Variants in EML6 observed in about 807,000 individuals in gnomAD.
The protein encoded by EML6 is echinoderm microtubule-associated protein-like 6.
In EML6, 154 loss-of-function variants were observed where a neutral mutation model predicts 240.1. That is an observed-to-expected ratio of 0.64 (90% CI 0.56 to 0.73). The LOEUF is 0.73. Ranked by LOEUF, EML6 falls within the 30% of genes least tolerant of loss-of-function variation. The pLI, the probability that EML6 is intolerant of heterozygous loss-of-function variation, is 0.00. For synonymous variants in EML6, 1,148 were observed against 899.0 expected (o/e 1.28, Z -4.95); for missense variants, 2,964 against 2,474.6 (o/e 1.20, Z -4.20).
chr2:54,916,866 C>G lies in EML6; in HGVS notation c.3606C>G (p.Thr1202=), dbSNP rs1673942643. The change falls in exon 26 of 42, where the codon ACC becomes ACG. Residue 1202 remains threonine (T), a synonymous_variant. Transcript: ENST00000356458. ...DITDVNAASL[T]KDCSLLATGD... ...CTGACGTAAATGCTGCCAGTCTTAC[C>G]AAAGACTGTTCCCTTTTAGCCACCG... The G allele has an allele frequency of 6.4e-7, 1 of 1,550,498 alleles. No homozygotes were observed. Among genetic ancestry groups the G allele is most frequent in the Non-Finnish European group, 8.7e-7 (1 of 1,146,062 alleles).
chr2:54,793,520 A>G lies in EML6; in HGVS notation c.198-19712A>G, dbSNP rs1013233053. Among the ~76,000 whole-genome samples, 35 of 151,848 alleles carry G rather than the reference A, an allele frequency of 2.3e-4. 1 individual carries two copies. The highest frequency in any genetic ancestry group is 8.0e-4 in the African/African-American group (33 of 41,384). ...AATTCAAGGAAGGCAAATGGTTACT[A>G]TGAACACTAAATCCTGTCGAACTTC... On this transcript the variant is annotated intron_variant, in intron 2 of 41. Coordinates refer to ENST00000356458, the MANE Select transcript of EML6 (RefSeq NM_001039753.4).
At chr2:54,903,547 AAAT>A in intron 24 of EML6, 45 bp downstream of exon 24, 1 of 1,518,896 alleles carries the variant, frequency 6.6e-7, no homozygotes, top group Non-Finnish European at 8.9e-7. Context: ...TGTGTTTAAA[AAAT>A]GTCCATTTAT....
intron 8 of EML6, among the ~76,000 whole-genome samples, chr2:54,846,920 A>T (rs544144545): frequency 1.1e-5 from 1 of 91,220 alleles, no homozygotes; most frequent in African/African-American, 3.3e-5. Context: ...TGTATGAAGT[A>T]GTATTTTTTT....
chr2:54,743,992 G>A (rs1002701605), intron 2 of EML6, among the ~76,000 whole-genome samples: 1 of 152,086 alleles, frequency 6.6e-6, no homozygotes, highest in East Asian at 1.9e-4. Context: ...TGGCCTCTAG[G>A]AGGATGTTAG....
At chr2:54,854,495 A>T (rs144716873) in intron 11 of EML6, among the ~76,000 whole-genome samples, 78 of 152,348 alleles carry the variant, frequency 5.1e-4, no homozygotes, top group African/African-American at 1.8e-3. Flanking sequence ...CTTCCTTTGC[A>T]AGTTTAGGCA....
chr2:54,871,639 G>C, intron 16 of EML6, 34 bp downstream of exon 16: 1 of 1,434,536 alleles, frequency 7.0e-7, no homozygotes, highest in Non-Finnish European at 9.6e-7. Flanking sequence ...ATGGTTCTAC[G>C]TTGAGAGAGA....
At chr2:54,790,968 G>C (rs1003706723) in intron 2 of EML6, among the ~76,000 whole-genome samples, 3 of 151,634 alleles carry the variant, frequency 2.0e-5, no homozygotes, top group African/African-American at 7.3e-5. Flanking sequence ...CTCGTGATCC[G>C]CCCGCCTCGG....
At chr2:54,898,169 G>A (rs1672868196) in intron 21 of EML6, among the ~76,000 whole-genome samples, 1 of 152,096 alleles carries the variant, frequency 6.6e-6, no homozygotes, top group African/African-American at 2.4e-5. Flanking sequence ...GTGATCAGCA[G>A]CAAAGCAGGA....
intron 4 of EML6, among the ~76,000 whole-genome samples, chr2:54,819,195 C>T (rs1037859800): frequency 6.6e-6 from 1 of 152,130 alleles, no homozygotes; most frequent in Admixed American, 6.5e-5. Context: ...TAGGTTATTT[C>T]TCTGGTCTAG....
intron 2 of EML6, among the ~76,000 whole-genome samples, chr2:54,767,543 A>G (rs184437002): frequency 6.6e-6 from 1 of 151,684 alleles, no homozygotes; most frequent in East Asian, 1.9e-4. Flanking sequence ...TCTGTGTATC[A>G]CATATTTACT....
chr2:54,886,467 G>T (rs1043470706), intron 17 of EML6, among the ~76,000 whole-genome samples: 10 of 152,100 alleles, frequency 6.6e-5, no homozygotes, highest in Admixed American at 2.6e-4. Context: ...ACCGCGTCTG[G>T]CCTCTTTCTT....
intron 8 of EML6, among the ~76,000 whole-genome samples, chr2:54,845,651 G>C (rs1223499892): frequency 1.3e-5 from 2 of 152,180 alleles, no homozygotes; most frequent in South Asian, 2.1e-4. Flanking sequence ...GGGTTACATT[G>C]CTTAAAATAG....
intron 28 of EML6, among the ~76,000 whole-genome samples, chr2:54,938,479 A>G (rs1675265911): frequency 1.3e-5 from 2 of 152,176 alleles, no homozygotes; most frequent in South Asian, 4.1e-4. Flanking sequence ...TTCCAAGCAC[A>G]AGAGGCTTCC....
intron 22 of EML6, among the ~76,000 whole-genome samples, chr2:54,900,675 C>A (rs1188845067): frequency 6.6e-6 from 1 of 152,198 alleles, no homozygotes; most frequent in African/African-American, 2.4e-5. Context: ...ATTCTTCCTC[C>A]ATCTCTCTAA....
chr2:54,826,334 C>A, intron 5 of EML6, among the ~76,000 whole-genome samples: 1 of 152,298 alleles, frequency 6.6e-6, no homozygotes, highest in East Asian at 1.9e-4. Flanking sequence ...CTAGTTGATA[C>A]ATGAAAACTA....
intron 2 of EML6, among the ~76,000 whole-genome samples, chr2:54,802,855 C>T (rs1320235400): frequency 1.3e-5 from 2 of 152,128 alleles, no homozygotes; most frequent in East Asian, 1.9e-4. Flanking sequence ...CACACTCTTA[C>T]ACATGGAATC....
At chr2:54,924,753 G>C (rs1288997543) in intron 26 of EML6, among the ~76,000 whole-genome samples, 1 of 152,064 alleles carries the variant, frequency 6.6e-6, no homozygotes, top group Non-Finnish European at 1.5e-5. Context: ...AGTAGAGATG[G>C]GGTTTCGCCG....
In EML6 at chr2:54,890,189, T is replaced by C. The variant is rs1330942690; in HGVS notation, c.2439-865T>C. ...CATCTATTAATATGATCAATTGTAT[T>C]ACTTGATTCCTTAATATTGAGCCAC... On this transcript the variant is annotated intron_variant, in intron 17 of 41. Transcript: ENST00000356458. 3.3e-5 allele frequency among the ~76,000 whole-genome samples: 5 copies of C among 152,240 alleles called. No individual in the cohort carries two copies. In the South Asian group the frequency reaches 6.2e-4, roughly 19 times the overall value.
chr2:54,931,923 A>G (rs1358260829), intron 28 of EML6, among the ~76,000 whole-genome samples: 1 of 152,222 alleles, frequency 6.6e-6, no homozygotes, highest in African/African-American at 2.4e-5. Context: ...TGCTTTATGC[A>G]TCAATTACTT....
Sources: gnomAD v4.1 joint callset for allele counts (sites outside exome capture counted in the v4.1 genomes callset) on GRCh38, gnomAD v4.1.1 for gene constraint, MANE v1.5 for transcripts, NCBI Gene and HGNC (gene_info 2026-07-23, HGNC 2026-07-21) for gene names.